The following LGSN variants were observed in gnomAD, a reference collection of about 807,000 sequenced individuals.
LGSN encodes the protein lengsin, lens protein with glutamine synthetase domain, also known as lengsin.
Under a neutral mutation model 19.5 loss-of-function variants are expected in LGSN, and 21 were observed. That is an observed-to-expected ratio of 1.07 (90% confidence interval 0.76 to 1.55). The LOEUF is 1.55. LGSN is among the 40% of genes most tolerant of loss of function. LGSN has a pLI of 0.00. For synonymous variants in LGSN, 257 were observed against 215.6 expected, an observed-to-expected ratio of 1.19 and a Z score of -1.68; for missense variants, 673 against 608.5, an observed-to-expected ratio of 1.11 and a Z score of -1.12.
At chr6:63,524,004 G>A in the LGSN span, among the ~76,000 whole-genome samples, 7 of 150,836 alleles carry the variant, frequency 4.6e-5, no homozygotes, top group African/African-American at 1.7e-4. Flanking sequence ...TTTTTCTGGA[G>A]ACAGTCTTGC....
At chr6:63,486,692 T>TC in the LGSN span, among the ~76,000 whole-genome samples, 1 of 147,436 alleles carries the variant, frequency 6.8e-6, no homozygotes, top group African/African-American at 2.5e-5. Flanking sequence ...CTTTTTTTTT[T>TC]TTTTTTTTTT....
At chr6:63,559,190 G>A in the LGSN span, among the ~76,000 whole-genome samples, 3 of 152,126 alleles carry the variant, frequency 2.0e-5, no homozygotes, top group South Asian at 6.2e-4. Context: ...ACATGCTAAT[G>A]AGGAAAAATA....
the LGSN span, among the ~76,000 whole-genome samples, chr6:63,462,025 C>A: frequency 6.6e-6 from 1 of 152,176 alleles, no homozygotes; most frequent in Non-Finnish European, 1.5e-5. Context: ...GAATCTGGTA[C>A]TACTAGGACT....
At chr6:63,429,476 C>A in the LGSN span, among the ~76,000 whole-genome samples, 1 of 152,156 alleles carries the variant, frequency 6.6e-6, no homozygotes, top group Non-Finnish European at 1.5e-5. Context: ...TGGCTCACGC[C>A]TGTAATCCCA....
At chr6:63,374,900 G>A in the LGSN span, among the ~76,000 whole-genome samples, 18,438 of 151,970 alleles carry the variant, frequency 0.12, 2,454 homozygotes, top group African/African-American at 0.33. Flanking sequence ...TGCTGTGCAA[G>A]TACAGTCTTG....
the LGSN span, among the ~76,000 whole-genome samples, chr6:63,436,641 G>T: frequency 6.6e-6 from 1 of 152,122 alleles, no homozygotes; most frequent in Non-Finnish European, 1.5e-5. Context: ...AGACAGCAAG[G>T]CTCAGAATTA....
chr6:63,357,975 T>G, the LGSN span, among the ~76,000 whole-genome samples: 1 of 152,082 alleles, frequency 6.6e-6, no homozygotes, highest in Admixed American at 6.5e-5. Context: ...GGTCTAACAT[T>G]TAAGTCTTTA....
intron 1 of LGSN, among the ~76,000 whole-genome samples, chr6:63,299,386 CATCCT>C (rs1028703906): frequency 2.0e-5 from 3 of 152,268 alleles, no homozygotes; most frequent in African/African-American, 7.2e-5. Flanking sequence ...TTTTCCTATC[CATCCT>C]GTCTTAACTG....
the LGSN span, among the ~76,000 whole-genome samples, chr6:63,434,025 C>T: frequency 1.3e-5 from 2 of 152,144 alleles, no homozygotes; most frequent in East Asian, 3.9e-4. Context: ...AAGGCTGGTG[C>T]ATCTCCCTGG....
the LGSN span, among the ~76,000 whole-genome samples, chr6:63,556,701 T>C: frequency 5.2e-5 from 8 of 152,386 alleles, no homozygotes; most frequent in African/African-American, 1.9e-4. Context: ...AATTTATTCC[T>C]GAGTCACTGA....
At chr6:63,494,472 T>C in the LGSN span, among the ~76,000 whole-genome samples, 1 of 152,162 alleles carries the variant, frequency 6.6e-6, no homozygotes, top group Non-Finnish European at 1.5e-5. Flanking sequence ...GAGAAGAATA[T>C]GTGTCTCTAT....
chr6:63,402,787 CT>C, the LGSN span, among the ~76,000 whole-genome samples: 238 of 142,666 alleles, frequency 1.7e-3, 1 homozygote, highest in African/African-American at 2.7e-3. Context: ...TAAAGGTTTT[CT>C]TTTTTTTTTT....
chr6:63,491,985 C>T, the LGSN span, among the ~76,000 whole-genome samples: 4 of 151,112 alleles, frequency 2.6e-5, no homozygotes, highest in South Asian at 2.1e-4. Flanking sequence ...GCCAAGATGA[C>T]GCCATTGCAC....
chr6:63,281,072 G>T lies in LGSN; in HGVS notation c.479C>A (p.Pro160Gln), dbSNP rs1767290382. 6.2e-7 allele frequency: 1 copy of T among 1,613,672 alleles called. No individual in the cohort carries two copies. The change falls in exon 4 of 4, where the codon CCA (proline) becomes CAA (glutamine). Residue 160 changes from proline to glutamine, a missense_variant. By Grantham distance (76) the Pro-to-Gln change is moderately conservative (BLOSUM62 -1). Transcript: ENST00000370657. The part of the protein sequence containing the change: ...MPELSTFRVL[P>Q]WADRTARVIC... The stretch of plus-strand genomic sequence containing the variant: ...CACTCTTGCAGTTCTGTCAGCCCAT[G>T]GCAAAACTCTAAAGGTTGATAACTC...
chr6:63,468,410 G>A, the LGSN span, among the ~76,000 whole-genome samples: 1 of 152,024 alleles, frequency 6.6e-6, no homozygotes, highest in African/African-American at 2.4e-5. Context: ...TTACAGGCAT[G>A]AGCCACTGCG....
the LGSN span, among the ~76,000 whole-genome samples, chr6:63,458,835 T>C: frequency 2.0e-5 from 3 of 152,234 alleles, no homozygotes; most frequent in Non-Finnish European, 4.4e-5. Flanking sequence ...ATACCTTCCA[T>C]GCAGTGTATT....
the LGSN span, chr6:63,549,506 CAGG>C: frequency 6.8e-6 from 5 of 739,686 alleles, no homozygotes; most frequent in Non-Finnish European, 1.2e-5. Flanking sequence ...TTCCTTTCGG[CAGG>C]AGGAGAGAGC....
At chr6:63,495,969 C>T in the LGSN span, among the ~76,000 whole-genome samples, 9 of 152,088 alleles carry the variant, frequency 5.9e-5, no homozygotes, top group South Asian at 1.5e-3. Context: ...CTCTATCACT[C>T]AGGCTGGAGT....
the LGSN span, among the ~76,000 whole-genome samples, chr6:63,423,973 G>T: frequency 6.6e-6 from 1 of 152,182 alleles, no homozygotes; most frequent in African/African-American, 2.4e-5. Flanking sequence ...CTGGGAGGCG[G>T]AGGTTGCAGT....
Sources: gnomAD v4.1 joint callset for allele counts (sites outside exome capture counted in the v4.1 genomes callset) on GRCh38, gnomAD v4.1.1 for gene constraint, MANE v1.5 for transcripts, NCBI Gene and HGNC (gene_info 2026-07-23, HGNC 2026-07-21) for gene names.